The following SGK1 variants were observed in gnomAD, a reference collection of about 807,000 sequenced individuals.
SGK1 encodes serum/glucocorticoid regulated kinase 1.
Under a neutral mutation model 64.2 loss-of-function variants are expected in SGK1, and 26 were observed. The observed-to-expected ratio is 0.40, with a 90% confidence interval of 0.30 to 0.56. The LOEUF (loss-of-function observed/expected upper bound fraction) is 0.56, where lower values mean the gene tolerates loss of function less well. Among genes scored for constraint, SGK1 ranks in the 20% least tolerant of loss-of-function variants. The pLI, the probability that SGK1 is intolerant of heterozygous loss-of-function variation, is 0.38. For missense variants in SGK1, 519 were observed against 645.6 expected, an observed-to-expected ratio of 0.80 and a Z score of 2.12; for synonymous variants, 265 against 239.7, an observed-to-expected ratio of 1.11 and a Z score of -0.98.
intron 1 of SGK1, among the ~76,000 whole-genome samples, chr6:134,273,864 G>T (rs2114762538): frequency 6.6e-6 from 1 of 152,100 alleles, no homozygotes; most frequent in Non-Finnish European, 1.5e-5. Context: ...TCGCTGTGTT[G>T]CCCAGGCTGA....
chr6:134,317,505 C>T lies in SGK1; in HGVS notation c.-45G>A. ...ACAGTTATAGATCCAGGTTGGCACC[C>T]GCCTGGTTAGTGCATATCTGTTTCC... is the stretch of plus-strand genomic sequence containing the variant. On this transcript the variant is annotated 5_prime_UTR_variant, in exon 1 of 14. Transcript: ENST00000367858. 1.6e-6 allele frequency: 2 copies of T among 1,241,170 alleles called. No homozygotes were observed. Among genetic ancestry groups the T allele is most frequent in the Non-Finnish European group, 2.4e-6 (2 of 839,230 alleles). 76.9% of individuals were successfully genotyped at this position (1,241,170 alleles called of 1,614,324 possible).
chr6:134,194,845 A>ATT (rs1242855081), intron 3 of SGK1, among the ~76,000 whole-genome samples: 4 of 152,230 alleles, frequency 2.6e-5, no homozygotes, highest in African/African-American at 9.6e-5. Context: ...TTTCCACAGT[A>ATT]TTATGTATCC....
At chr6:134,228,185 C>T (rs1022522712) in intron 2 of SGK1, among the ~76,000 whole-genome samples, 1 of 152,048 alleles carries the variant, frequency 6.6e-6, no homozygotes, top group Non-Finnish European at 1.5e-5. Context: ...GAACTCCTGA[C>T]CTCAGGTGAT....
chr6:134,295,927 G>C (rs974010002), intron 1 of SGK1, among the ~76,000 whole-genome samples: 5 of 152,172 alleles, frequency 3.3e-5, no homozygotes, highest in African/African-American at 1.2e-4. Flanking sequence ...ATTAAAAGTG[G>C]ATTCTCTTTT....
At chr6:134,186,850 T>C (rs1289731868) in intron 3 of SGK1, among the ~76,000 whole-genome samples, 1 of 151,682 alleles carries the variant, frequency 6.6e-6, no homozygotes, top group Admixed American at 6.6e-5. Flanking sequence ...GCAGTCTCAC[T>C]GTGTCGCCCA....
chr6:134,222,778 T>G (rs1256259624), intron 2 of SGK1, among the ~76,000 whole-genome samples: 1 of 152,184 alleles, frequency 6.6e-6, no homozygotes, highest in Admixed American at 6.5e-5. Context: ...TTTGGATTTG[T>G]TCAAAAACTA....
chr6:134,228,895 C>G (rs1047273766), intron 2 of SGK1, among the ~76,000 whole-genome samples: 56 of 140,964 alleles, frequency 4.0e-4, no homozygotes, highest in Admixed American at 9.4e-4. Flanking sequence ...CCAGGTGGGA[C>G]TGCAGTGGCG....
intron 3 of SGK1, among the ~76,000 whole-genome samples, chr6:134,201,312 G>A (rs541869776): frequency 2.4e-4 from 36 of 151,468 alleles, no homozygotes; most frequent in South Asian, 1.0e-3. Context: ...CGCCCGTCTC[G>A]GCCTCCCAAG....
At chr6:134,252,182 T>C (rs963559141) in intron 2 of SGK1, among the ~76,000 whole-genome samples, 1 of 152,192 alleles carries the variant, frequency 6.6e-6, no homozygotes, top group East Asian at 1.9e-4. Context: ...TCCTGAGATA[T>C]AAATCTTTAG....
chr6:134,231,907 G>A (rs1315458472), intron 2 of SGK1, among the ~76,000 whole-genome samples: 2 of 151,860 alleles, frequency 1.3e-5, no homozygotes, highest in East Asian at 1.9e-4. Context: ...AGGCGTGGTG[G>A]CAGAAGCCTG....
chr6:134,297,854 C>G (rs1170596679), intron 1 of SGK1: 8 of 768,978 alleles, frequency 1.0e-5, no homozygotes, highest in Non-Finnish European at 1.9e-5. Flanking sequence ...CAGCCAGCAT[C>G]TGCAGCTCCT....
intron 1 of SGK1, chr6:134,297,291 A>G: frequency 7.8e-7 from 1 of 1,277,524 alleles, no homozygotes. Flanking sequence ...CTTGACGTTC[A>G]TCAGCTCCTG....
chr6:134,284,163 G>C (rs111795360), intron 1 of SGK1, among the ~76,000 whole-genome samples: 15,200 of 152,100 alleles, frequency 0.1, 911 homozygotes, highest in African/African-American at 0.16. Flanking sequence ...CTCAATCTCA[G>C]CTCACTGCAA....
intron 2 of SGK1, among the ~76,000 whole-genome samples, chr6:134,234,108 A>G (rs1776328920): frequency 6.6e-6 from 1 of 152,248 alleles, no homozygotes; most frequent in Non-Finnish European, 1.5e-5. Flanking sequence ...TAAAAAACCA[A>G]TGTATTTCTG....
chr6:134,265,633 C>CAT (rs887925653), intron 1 of SGK1, among the ~76,000 whole-genome samples: 46 of 127,792 alleles, frequency 3.6e-4, no homozygotes, highest in South Asian at 1.6e-3. Flanking sequence ...TATATATATA[C>CAT]ATATATATAT....
chr6:134,260,728 G>A (rs1025678602), intron 2 of SGK1: 1 of 150,960 alleles, frequency 6.6e-6, no homozygotes, highest in African/African-American at 2.4e-5. Context: ...CAGCGACATT[G>A]CGTGATAACT....
In SGK1 at chr6:134,306,560, A is replaced by G. The variant is rs530007725; in HGVS notation, c.69+10832T>C. On this transcript the variant is annotated intron_variant, in intron 1 of 13. Coordinates refer to ENST00000367858, the MANE Select transcript of SGK1 (RefSeq NM_001143676.3). The stretch of plus-strand genomic sequence containing the variant: ...TCCTTTAGAGACAGGGTCTCACTCT[A>G]TCTCCCAGGCTGGAGTACAGTGGTG... Among the ~76,000 whole-genome samples, 200 of 152,156 alleles carry G rather than the reference A, an allele frequency of 1.3e-3. 1 individual carries two copies. Among genetic ancestry groups the G allele is most frequent in the Non-Finnish European group, 1.8e-3 (120 of 67,984 alleles).
chr6:134,253,445 T>A lies in SGK1; in HGVS notation c.285+8488A>T, dbSNP rs141542916. On this transcript the variant is annotated intron_variant, in intron 2 of 13. Coordinates refer to ENST00000367858, the MANE Select transcript of SGK1 (RefSeq NM_001143676.3). ...CACCGCGCCCAGCTGAGCTCAGGAG[T>A]TCGAAACCAGACTGAGCAACAGCGA... 1.7e-3 allele frequency among the ~76,000 whole-genome samples: 251 copies of A among 150,888 alleles called. 1 individual carries two copies. Among genetic ancestry groups the A allele is most frequent in the Admixed American group, 5.4e-3 (82 of 15,158 alleles).
chr6:134,254,344 A>AAAGTGCTGT (rs2114739302), intron 2 of SGK1, among the ~76,000 whole-genome samples: 1 of 152,250 alleles, frequency 6.6e-6, no homozygotes, highest in South Asian at 2.1e-4. Flanking sequence ...GCAGAAGTAC[A>AAAGTGCTGT]AAGTGCTGTG....
Sources: allele counts gnomAD v4.1 joint callset (sites outside exome capture counted in the v4.1 genomes callset), GRCh38; gene constraint gnomAD v4.1.1; transcripts MANE v1.5; gene names NCBI Gene and HGNC (gene_info 2026-07-23, HGNC 2026-07-21).